SHQ1: variants seen among roughly 807,000 people sequenced by gnomAD.
SHQ1 encodes the protein SHQ1, H/ACA ribonucleoprotein assembly factor.
SHQ1 carries 49 observed loss-of-function variants against 53.8 expected under a neutral mutation model. The ratio of observed to expected loss-of-function variants is 0.91; its 90% CI spans 0.72 to 1.16. The LOEUF (loss-of-function observed/expected upper bound fraction) is 1.16. Ranked by LOEUF, SHQ1 falls within the 50% of genes most tolerant of loss-of-function variation. SHQ1 has a pLI of 0.00. For synonymous variants in SHQ1, 243 were observed against 251.0 expected (o/e 0.97, Z 0.30); for missense variants, 738 against 683.1 (o/e 1.08, Z -0.90).
At chr3:72,732,597 C>G in the SHQ1 span, among the ~76,000 whole-genome samples, 2 of 151,238 alleles carry the variant, frequency 1.3e-5, no homozygotes, top group Admixed American at 1.3e-4. Flanking sequence ...CTCTGGACTC[C>G]AAGTGACTTG....
chr3:72,763,784 C>T (rs1462450879), intron 10 of SHQ1, among the ~76,000 whole-genome samples: 4 of 152,156 alleles, frequency 2.6e-5, no homozygotes, highest in Non-Finnish European at 2.9e-5. Context: ...AACAGATTCT[C>T]CTGCAGAGTT....
chr3:72,761,293 T>C (rs544989179), intron 10 of SHQ1, among the ~76,000 whole-genome samples: 28 of 152,204 alleles, frequency 1.8e-4, no homozygotes, highest in Non-Finnish European at 1.5e-5. Flanking sequence ...CACTTCAGCC[T>C]ACCAAGTAGC....
chr3:72,773,899 G>C (rs1393360056), intron 10 of SHQ1, among the ~76,000 whole-genome samples: 1 of 152,164 alleles, frequency 6.6e-6, no homozygotes, highest in Non-Finnish European at 1.5e-5. Context: ...CATATGTTCA[G>C]AGCATATTTC....
intron 5 of SHQ1, among the ~76,000 whole-genome samples, chr3:72,828,207 A>G: frequency 6.6e-6 from 1 of 152,226 alleles, no homozygotes; most frequent in South Asian, 2.1e-4. Context: ...AGAACATTAT[A>G]AAACAATGCG....
At chr3:72,806,279 T>C (rs1483104175) in intron 9 of SHQ1, among the ~76,000 whole-genome samples, 1 of 152,226 alleles carries the variant, frequency 6.6e-6, no homozygotes, top group Non-Finnish European at 1.5e-5. Flanking sequence ...TAACTCCTGC[T>C]GTACTCTGAA....
chr3:72,824,982 A>G (rs1707605318), intron 5 of SHQ1, among the ~76,000 whole-genome samples: 1 of 151,826 alleles, frequency 6.6e-6, no homozygotes, highest in East Asian at 1.9e-4. Flanking sequence ...CTATTTTTTC[A>G]TAGAAACAGG....
chr3:72,777,136 T>C (rs1282099304), intron 10 of SHQ1, among the ~76,000 whole-genome samples: 1 of 152,126 alleles, frequency 6.6e-6, no homozygotes, highest in Non-Finnish European at 1.5e-5. Flanking sequence ...CTCTATAACA[T>C]CCAAATCATA....
chr3:72,763,957 A>G (rs892516285), intron 10 of SHQ1, among the ~76,000 whole-genome samples: 9 of 152,152 alleles, frequency 5.9e-5, no homozygotes, highest in African/African-American at 1.9e-4. Context: ...AGATCCTTAC[A>G]GCAGAACAGA....
chr3:72,828,011 C>T (rs1375466180), intron 5 of SHQ1, among the ~76,000 whole-genome samples: 4 of 152,118 alleles, frequency 2.6e-5, no homozygotes, highest in African/African-American at 9.7e-5. Flanking sequence ...CCCTCAGCCT[C>T]CCAAAGTGCT....
chr3:72,743,391 C>T, the SHQ1 span, among the ~76,000 whole-genome samples: 14 of 152,014 alleles, frequency 9.2e-5, no homozygotes, highest in South Asian at 6.2e-4. Flanking sequence ...GAGTGGAGAA[C>T]GCTGGGAATT....
At chr3:72,742,915 C>T in the SHQ1 span, among the ~76,000 whole-genome samples, 1 of 152,164 alleles carries the variant, frequency 6.6e-6, no homozygotes, top group Non-Finnish European at 1.5e-5. Flanking sequence ...GGATTACAGG[C>T]GTGAGCCACT....
At chr3:72,745,970 A>C (rs1575669862), downstream of SHQ1, among the ~76,000 whole-genome samples, 1 of 151,618 alleles carries the variant, frequency 6.6e-6, no homozygotes, top group East Asian at 1.9e-4. Context: ...AGCCTCGAGT[A>C]GCTGGGATTA....
chr3:72,793,168 G>A, intron 9 of SHQ1, 132 bp from the exon 10 acceptor site: 2 of 770,932 alleles, frequency 2.6e-6, no homozygotes, highest in African/African-American at 1.8e-5. Flanking sequence ...AAAAATTTAT[G>A]AGTCCTATTA....
chr3:72,809,470 G>A (rs1036159753), intron 9 of SHQ1: 3 of 151,934 alleles, frequency 2.0e-5, no homozygotes, highest in East Asian at 1.9e-4. Flanking sequence ...CACAGAATGA[G>A]CTCAAAGGCG....
intron 9 of SHQ1, among the ~76,000 whole-genome samples, chr3:72,805,006 C>A (rs975683238): frequency 6.6e-6 from 1 of 152,292 alleles, no homozygotes; most frequent in African/African-American, 2.4e-5. Flanking sequence ...ATGGTAGAGT[C>A]CACTACACAC....
chr3:72,823,783 G>C (rs1336628490), intron 6 of SHQ1, among the ~76,000 whole-genome samples: 2 of 152,046 alleles, frequency 1.3e-5, no homozygotes, highest in African/African-American at 2.4e-5. Flanking sequence ...AAGAACTTGG[G>C]GTGGGAAGAG....
At chr3:72,824,628 T>C in intron 5 of SHQ1, 77 bp from the exon 6 acceptor site, 1 of 1,470,786 alleles carries the variant, frequency 6.8e-7, no homozygotes, top group East Asian at 2.3e-5. Context: ...TCTTAACTCA[T>C]ATTTGTACTA....
intron 9 of SHQ1, among the ~76,000 whole-genome samples, chr3:72,801,998 T>G (rs1261759829): frequency 6.6e-6 from 1 of 150,678 alleles, no homozygotes; most frequent in Non-Finnish European, 1.5e-5. Flanking sequence ...AGAGTTTGCT[T>G]TGCTTCTGGT....
Position 72,750,819 on chromosome 3 carries a change from G to A in SHQ1, c.1199C>T (p.Ala400Val), listed in dbSNP as rs568732212. The A allele has an allele frequency of 4.6e-6, 7 of 1,510,444 alleles. No individual in the cohort carries two copies. Among genetic ancestry groups the A allele is most frequent in the Admixed American group, 2.4e-5 (1 of 41,144 alleles). The allele number at this position is 1,510,444 out of a possible 1,614,324, so 93.6% of individuals were successfully genotyped here. ...IQKVKSKKLA[A>V]LAEALKEVSL... Reference sequence around the variant, plus strand: ...GACTTCCTTTAAGGCTTCTGCAAGAGCTGCCAACTTTTTGGATCTTGAAAA... The same window carrying A: ...GACTTCCTTTAAGGCTTCTGCAAGAACTGCCAACTTTTTGGATCTTGAAAA... Residue 400 changes from alanine (A) to valine (V), a missense_variant, in exon 11 of 11, where the codon GCT (alanine) becomes GTT (valine). By Grantham distance (64) the Ala-to-Val change is moderately conservative. Transcript: ENST00000325599.
Sources: allele counts gnomAD v4.1 joint callset (sites outside exome capture counted in the v4.1 genomes callset), GRCh38; gene constraint gnomAD v4.1.1; transcripts MANE v1.5; gene names NCBI Gene and HGNC (gene_info 2026-07-23, HGNC 2026-07-21).